APC: variants seen among roughly 807,000 people sequenced by gnomAD.
The protein encoded by APC is APC regulator of Wnt signaling pathway, also known as adenomatous polyposis coli protein.
A neutral mutation model predicts 247.0 loss-of-function variants in APC; 72 were observed. The observed-to-expected ratio is 0.29, with a 90% confidence interval of 0.24 to 0.35. The LOEUF is 0.35. APC is among the 10% of genes least tolerant of loss of function. The probability of loss-of-function intolerance (pLI) is 1.00; values close to 1 mark genes in which losing one functional copy is unlikely to be tolerated. For missense variants in APC, 3,400 were observed against 3,360.7 expected, an observed-to-expected ratio of 1.01 and a Z score of -0.29; for synonymous variants, 1,254 against 1,162.5, an observed-to-expected ratio of 1.08 and a Z score of -1.60.
chr5:112,783,791 G>T, intron 6 of APC: 1 of 348,186 alleles, frequency 2.9e-6, no homozygotes, highest in South Asian at 2.2e-5. Context: ...AAAAGAGAAA[G>T]AAAGGAAAGA....
intron 1 of APC, among the ~76,000 whole-genome samples, chr5:112,709,704 C>G (rs1561395464): frequency 6.6e-6 from 1 of 152,034 alleles, no homozygotes; most frequent in Non-Finnish European, 1.5e-5. Context: ...GAGTTCGAGA[C>G]CAGCCTAGGC....
chr5:112,841,415 C>A lies in APC; in HGVS notation c.5821C>A (p.Pro1941Thr), dbSNP rs747289299. 2 of 1,613,892 alleles carry A rather than the reference C, an allele frequency of 1.2e-6. No individual in the cohort carries two copies. Among genetic ancestry groups the A allele is most frequent in the South Asian group, 2.2e-5 (2 of 91,086 alleles). The change falls in exon 16 of 16, where the codon CCA becomes ACA. Residue 1941 changes from proline to threonine, a missense_variant. Physicochemically the swap from Pro to Thr is conservative, Grantham distance 38. Coordinates refer to ENST00000257430, the MANE Select transcript of APC (RefSeq NM_000038.6). This position sits in a 1 kb window ranked among gnomAD's most constrained non-coding sequence, Gnocchi z 4.6. ...TTTTCCCCAGTCATCCAAAGACATA[C>A]CAGACAGAGGGGCAGCAACTGATGA... ...STFPQSSKDI[P>T]DRGAATDEKL...
chr5:112,762,088 G>T (rs1581145192), intron 2 of APC, among the ~76,000 whole-genome samples: 1 of 152,012 alleles, frequency 6.6e-6, no homozygotes, highest in African/African-American at 2.4e-5. Flanking sequence ...TGTGACCCAG[G>T]GACTTGAAAA....
chr5:112,709,517 G>A (rs1012815340), intron 1 of APC, among the ~76,000 whole-genome samples: 2 of 152,168 alleles, frequency 1.3e-5, no homozygotes, highest in Non-Finnish European at 2.9e-5. Context: ...CAAAGCAGGG[G>A]TTGCTGAGCC....
chr5:112,712,896 C>T (rs774645359), intron 1 of APC, among the ~76,000 whole-genome samples: 5 of 152,136 alleles, frequency 3.3e-5, no homozygotes, highest in East Asian at 3.9e-4. Flanking sequence ...TCGGGCTAGG[C>T]GCTGTGGCTC....
chr5:112,751,329 C>G (rs1754338523), intron 1 of APC, among the ~76,000 whole-genome samples: 1 of 151,986 alleles, frequency 6.6e-6, no homozygotes, highest in Non-Finnish European at 1.5e-5. Context: ...CCCTGCTCTT[C>G]TTTCATATTT....
intron 11 of APC, among the ~76,000 whole-genome samples, chr5:112,824,217 A>T (rs896301562): frequency 6.6e-6 from 1 of 152,200 alleles, no homozygotes; most frequent in Non-Finnish European, 1.5e-5. Context: ...GCACCAAGAA[A>T]ATTGTAGAAG....
intron 14 of APC, among the ~76,000 whole-genome samples, chr5:112,833,325 G>A (rs1006199377): frequency 6.6e-6 from 1 of 151,878 alleles, no homozygotes; most frequent in African/African-American, 2.4e-5. Flanking sequence ...TAGGATTACA[G>A]GTGCCCACCA....
intron 1 of APC, among the ~76,000 whole-genome samples, chr5:112,713,037 G>A (rs1750949109): frequency 6.6e-6 from 1 of 152,052 alleles, no homozygotes; most frequent in Non-Finnish European, 1.5e-5. Flanking sequence ...CGGGTATGGT[G>A]GCAGGCGCCT....
chr5:112,720,405 C>T (rs966657204), intron 1 of APC, among the ~76,000 whole-genome samples: 1 of 152,112 alleles, frequency 6.6e-6, no homozygotes, highest in Non-Finnish European at 1.5e-5. Context: ...TTTAGATTTG[C>T]TCACTTGCCT....
intron 2 of APC, among the ~76,000 whole-genome samples, chr5:112,758,395 C>T (rs372603252): frequency 2.4e-4 from 37 of 152,270 alleles, no homozygotes; most frequent in African/African-American, 6.7e-4. Flanking sequence ...GGGGCAATCT[C>T]GGCTTGCTGC....
At chr5:112,725,347 G>A (rs1751717971) in intron 1 of APC, among the ~76,000 whole-genome samples, 1 of 152,164 alleles carries the variant, frequency 6.6e-6, no homozygotes, top group African/African-American at 2.4e-5. Flanking sequence ...GATTTAAACA[G>A]TAAGAGAGTG....
Position 112,840,638 on chromosome 5 carries a change from G to A in APC, c.5044G>A (p.Gly1682Ser), listed in dbSNP as rs2149930599. The change falls in exon 16 of 16, where the codon GGT becomes AGT. Residue 1682 changes from glycine to serine, a missense_variant. Physicochemically the swap from Gly to Ser is moderately conservative, Grantham distance 56. Coordinates refer to ENST00000257430, the MANE Select transcript of APC (RefSeq NM_000038.6). The surrounding 1 kb of genome is among the most constrained non-coding windows in gnomAD (Gnocchi z 4.1). ...AGGAGTTAGAGGAGGGGCACAGTCAGGTGAATTTGAAAAACGAGATACCAT... is the reference window on the plus strand; with the variant it reads ...AGGAGTTAGAGGAGGGGCACAGTCAAGTGAATTTGAAAAACGAGATACCAT... ...GEGVRGGAQS[G>S]EFEKRDTIPT... 6.2e-7 allele frequency: 1 copy of A among 1,613,994 alleles called. No homozygotes were observed. The highest frequency in any genetic ancestry group is 1.3e-5 in the African/African-American group (1 of 75,030).
intron 2 of APC, 83 bp from the exon 3 acceptor site, chr5:112,766,243 C>T (rs1174562166): frequency 2.0e-6 from 2 of 990,736 alleles, no homozygotes; most frequent in Non-Finnish European, 3.2e-6. Context: ...TTTTTCTCAG[C>T]ATACTTAAAT....
chr5:112,822,182 C>A (rs970590850), intron 11 of APC, among the ~76,000 whole-genome samples, 191 bp downstream of exon 11: 1 of 152,074 alleles, frequency 6.6e-6, no homozygotes. Context: ...TAGAAAGGAT[C>A]CTGAATCACA....
At chr5:112,709,739 A>C (rs1470504033) in intron 1 of APC, among the ~76,000 whole-genome samples, 2 of 151,026 alleles carry the variant, frequency 1.3e-5, no homozygotes, top group African/African-American at 4.9e-5. Context: ...TCATCTGTAC[A>C]AAAAAAAATA....
At chr5:112,710,078 T>G (rs77313876) in intron 1 of APC, among the ~76,000 whole-genome samples, 1 of 152,214 alleles carries the variant, frequency 6.6e-6, no homozygotes, top group African/African-American at 2.4e-5. Flanking sequence ...TCATCAGCTT[T>G]TACTAAGCTC....
At chr5:112,830,254 TTGAA>T (rs891292283) in intron 14 of APC, among the ~76,000 whole-genome samples, 2 of 152,230 alleles carry the variant, frequency 1.3e-5, no homozygotes, top group African/African-American at 2.4e-5. Flanking sequence ...TGTATCACTG[TTGAA>T]TGGAGAGAAG....
rs1554085088 is a variant in APC at position 112,839,128 on chromosome 5, T to A, written c.3534T>A (p.Asp1178Glu). Residue 1178 changes from aspartate (D) to glutamate (E), a missense_variant, in exon 16 of 16, where the codon GAT (aspartate) becomes GAA (glutamate). Asp to Glu is a conservative substitution (Grantham distance 45). This residue lies in a region of APC where 715 missense variants were observed against 656.6 expected (regional missense o/e 1.09). Coordinates refer to ENST00000257430, the MANE Select transcript of APC (RefSeq NM_000038.6). The surrounding 1 kb of genome is among the most constrained non-coding windows in gnomAD (Gnocchi z 5.0). Reference protein sequence around the residue: ...EEKRHVDQPIDYSLKYATDIP... With the variant: ...EEKRHVDQPIEYSLKYATDIP... ...AACGTCATGTGGATCAGCCTATTGATTATAGTTTAAAATATGCCACAGATA... is the reference window on the plus strand; with the variant it reads ...AACGTCATGTGGATCAGCCTATTGAATATAGTTTAAAATATGCCACAGATA... 1 of 1,614,074 alleles carries A rather than the reference T, an allele frequency of 6.2e-7. No individual in the cohort carries two copies. Among genetic ancestry groups the A allele is most frequent in the South Asian group, 1.1e-5 (1 of 91,080 alleles).
Sources: allele counts gnomAD v4.1 joint callset (sites outside exome capture counted in the v4.1 genomes callset), GRCh38; gene constraint gnomAD v4.1.1; regional missense constraint gnomAD v4.1.1; non-coding constraint Gnocchi (gnomAD v3.1); transcripts MANE v1.5; gene names NCBI Gene and HGNC (gene_info 2026-07-23, HGNC 2026-07-21).